Variants in SCN8A observed in about 807,000 individuals in gnomAD.
SCN8A encodes the protein sodium voltage-gated channel alpha subunit 8.
A neutral mutation model predicts 184.1 loss-of-function variants in SCN8A; 30 were observed. The observed-to-expected ratio is 0.16, with a 90% CI of 0.12 to 0.22. The LOEUF is 0.22. SCN8A is among the 10% of genes least tolerant of loss of function. The pLI, the probability that SCN8A is intolerant of heterozygous loss-of-function variation, is 1.00. For missense variants in SCN8A, 1,057 were observed against 2,498.9 expected, an observed-to-expected ratio of 0.42 and a Z score of 12.30; for synonymous variants, 852 against 907.0, an observed-to-expected ratio of 0.94 and a Z score of 1.09.
At chr12:51,647,096 C>A (rs1373235217) in intron 1 of SCN8A, among the ~76,000 whole-genome samples, 1 of 152,082 alleles carries the variant, frequency 6.6e-6, no homozygotes, top group African/African-American at 2.4e-5. Context: ...GTAGTCCCGG[C>A]CACTTGGGAG....
intron 23 of SCN8A, 59 bp from the exon 24 acceptor site, chr12:51,789,222 G>A (rs1349429533): frequency 3.8e-6 from 6 of 1,589,854 alleles, no homozygotes; most frequent in Non-Finnish European, 5.2e-6. Flanking sequence ...TGATGGCCTT[G>A]GCGTGTCAAA....
Position 51,717,942 on chromosome 12 carries a change from C to T in SCN8A, c.1636-3604C>T, listed in dbSNP as rs546648037. ...AAATTCATTTATTGTCTTAGAAGTT[C>T]GTGGGTTGCTTAAAGCCAAAGCAGG... On this transcript the variant is annotated intron_variant, in intron 11 of 26. Coordinates refer to ENST00000627620, the MANE Select transcript of SCN8A (RefSeq NM_001330260.2). 9.2e-5 allele frequency among the ~76,000 whole-genome samples: 14 copies of T among 152,180 alleles called. 1 individual carries two copies. Among genetic ancestry groups the T allele is most frequent in the African/African-American group, 2.2e-4 (9 of 41,500 alleles).
chr12:51,593,984 T>TG (rs1181089748), intron 1 of SCN8A, among the ~76,000 whole-genome samples: 4 of 152,204 alleles, frequency 2.6e-5, no homozygotes, highest in Non-Finnish European at 4.4e-5. Context: ...TAAATTAAAC[T>TG]GGATCAGGAG....
intron 1 of SCN8A, among the ~76,000 whole-genome samples, chr12:51,605,590 T>C (rs1939572161): frequency 6.6e-6 from 1 of 152,220 alleles, no homozygotes; most frequent in African/African-American, 2.4e-5. Context: ...AATGACTTCT[T>C]TTCCTCTGGG....
chr12:51,763,390 C>G (rs1402087534), intron 15 of SCN8A, among the ~76,000 whole-genome samples: 1 of 152,130 alleles, frequency 6.6e-6, no homozygotes, highest in East Asian at 1.9e-4. Context: ...TGTAAGTGTT[C>G]AGAACATGTT....
chr12:51,767,525 A>G (rs772907218), intron 16 of SCN8A, among the ~76,000 whole-genome samples: 1 of 152,190 alleles, frequency 6.6e-6, no homozygotes, highest in Non-Finnish European at 1.5e-5. Context: ...ATAGTATCTA[A>G]GATCTGCCCC....
intron 1 of SCN8A, among the ~76,000 whole-genome samples, chr12:51,644,794 A>G (rs1275741414): frequency 1.0e-4 from 15 of 143,076 alleles, no homozygotes; most frequent in Non-Finnish European, 1.5e-4. Flanking sequence ...AGTGAGGAGC[A>G]CCTCTTCCCG....
In SCN8A at chr12:51,699,805, T is replaced by C. The variant is rs756833726; in HGVS notation, c.928+14T>C. 6.3e-7 allele frequency: 1 copy of C among 1,596,510 alleles called. No homozygotes were observed. The highest frequency in any genetic ancestry group is 1.1e-5 in the South Asian group (1 of 89,218). On this transcript the variant is annotated intron_variant, in intron 7 of 26. Transcript: ENST00000627620. ...TCAACAATAAAAGTAGGTGGCCTCTTCTCTGCAAGAGGAATAGGAAAAGTC... is the reference window on the plus strand; with the variant it reads ...TCAACAATAAAAGTAGGTGGCCTCTCCTCTGCAAGAGGAATAGGAAAAGTC...
chr12:51,699,042 C>T (rs1941640126), intron 6 of SCN8A, among the ~76,000 whole-genome samples: 1 of 152,196 alleles, frequency 6.6e-6, no homozygotes, highest in African/African-American at 2.4e-5. Context: ...TCAATTATAA[C>T]CATGACAAAT....
At chr12:51,630,396 A>T (rs190707362) in intron 1 of SCN8A, among the ~76,000 whole-genome samples, 69 of 152,258 alleles carry the variant, frequency 4.5e-4, no homozygotes, top group African/African-American at 1.4e-3. Context: ...TATTTTACTT[A>T]GCATAATGTC....
intron 1 of SCN8A, among the ~76,000 whole-genome samples, chr12:51,603,542 G>A (rs1939515834): frequency 6.6e-6 from 1 of 152,110 alleles, no homozygotes; most frequent in Admixed American, 6.5e-5. Context: ...ATTTCTCAAA[G>A]CTGATCCCTA....
At chr12:51,675,884 A>G (rs2138693126) in intron 2 of SCN8A, among the ~76,000 whole-genome samples, 1 of 152,326 alleles carries the variant, frequency 6.6e-6, no homozygotes, top group East Asian at 1.9e-4. Context: ...CTCATAGAGT[A>G]GTTGTGAGAC....
chr12:51,766,062 C>A lies in SCN8A; in HGVS notation c.2901+35C>A. On this transcript the variant is annotated intron_variant, in intron 16 of 26. Coordinates refer to ENST00000627620, the MANE Select transcript of SCN8A (RefSeq NM_001330260.2). ...AATTTGTAGATATTTTTGTTCTACA[C>A]CCTGAATATTCTACCCCTGGCCCAG... 1 of 1,539,098 alleles carries A rather than the reference C, an allele frequency of 6.5e-7. No individual in the cohort carries two copies. Among genetic ancestry groups the A allele is most frequent in the Non-Finnish European group, 9.0e-7 (1 of 1,112,016 alleles).
intron 11 of SCN8A, among the ~76,000 whole-genome samples, chr12:51,718,099 A>G (rs997622776): frequency 1.2e-4 from 19 of 152,250 alleles, no homozygotes; most frequent in African/African-American, 4.6e-4. Flanking sequence ...GATCTAAAGT[A>G]TAGAACCAGA....
intron 5 of SCN8A, among the ~76,000 whole-genome samples, chr12:51,688,424 C>A (rs951570678): frequency 1.3e-5 from 2 of 152,104 alleles, no homozygotes; most frequent in African/African-American, 4.8e-5. Context: ...AGAAATTGTT[C>A]GCAAAACCTG....
intron 1 of SCN8A, among the ~76,000 whole-genome samples, chr12:51,614,811 GACA>G (rs1486427455): frequency 7.2e-6 from 1 of 139,194 alleles, no homozygotes; most frequent in African/African-American, 2.7e-5. Flanking sequence ...AATCCATTCT[GACA>G]ACCTCTCTTC....
rs954446958 is a variant in SCN8A, at chr12:51,652,137, G to A, written c.-54-10627G>A. 5.9e-5 allele frequency among the ~76,000 whole-genome samples: 9 copies of A among 151,936 alleles called. No homozygotes were observed. The South Asian group carries it at 6.3e-4, about 11-fold the overall frequency. ...AGACTCAGCATGTTCAAAAGTAGTC[G>A]TCATCTTAATCTGAACACTCTGCAT... On this transcript the variant is annotated intron_variant, in intron 1 of 26. Transcript: ENST00000627620.
At chr12:51,734,211 C>T (rs542240653) in intron 12 of SCN8A, among the ~76,000 whole-genome samples, 6 of 152,164 alleles carry the variant, frequency 3.9e-5, no homozygotes, top group Middle Eastern at 3.4e-3. Flanking sequence ...GAGACCAGCT[C>T]GGTTGGGGAG....
rs138465755 is a variant in SCN8A at position 51,675,894 on chromosome 12, C to T, written c.277-8280C>T. On this transcript the variant is annotated intron_variant, in intron 2 of 26. Transcript: ENST00000627620. The stretch of plus-strand genomic sequence containing the variant: ...CCTACCTCATAGAGTAGTTGTGAGA[C>T]AATTATTATATTAAGTATCTTAGTA... Among the ~76,000 whole-genome samples, 1,066 of 152,240 alleles carry T rather than the reference C, an allele frequency of 7.0e-3. 12 individuals are homozygous for T. The highest frequency in any genetic ancestry group is 0.024 in the African/African-American group (1,007 of 41,528).
Sources: gnomAD v4.1 joint callset for allele counts (sites outside exome capture counted in the v4.1 genomes callset) on GRCh38, gnomAD v4.1.1 for gene constraint, MANE v1.5 for transcripts, NCBI Gene and HGNC (gene_info 2026-07-23, HGNC 2026-07-21) for gene names.